Variants in NHSL1 observed in about 807,000 individuals in gnomAD.
The protein encoded by NHSL1 is NHS-like protein 1.
A neutral mutation model predicts 95.0 loss-of-function variants in NHSL1; 48 were observed. The observed-to-expected ratio is 0.51, with a 90% confidence interval of 0.40 to 0.64. NHSL1 has a LOEUF of 0.64. NHSL1 is among the 30% of genes least tolerant of loss of function. The pLI is 0.00. For synonymous variants in NHSL1, 783 were observed against 833.9 expected, an observed-to-expected ratio of 0.94 and a Z score of 1.05; for missense variants, 1,971 against 2,077.7, an observed-to-expected ratio of 0.95 and a Z score of 1.00.
chr6:138,663,351 G>A (rs1017536841), intron 1 of NHSL1, among the ~76,000 whole-genome samples: 10 of 151,504 alleles, frequency 6.6e-5, no homozygotes, highest in African/African-American at 1.9e-4. Flanking sequence ...ACCTTAGATC[G>A]GGAGTTCGAG....
chr6:138,532,347 C>G (rs1443246270), intron 1 of NHSL1, among the ~76,000 whole-genome samples: 3 of 152,192 alleles, frequency 2.0e-5, no homozygotes, highest in African/African-American at 7.2e-5. Context: ...GAACTGAAGA[C>G]TTTTTAACCA....
intron 1 of NHSL1, among the ~76,000 whole-genome samples, chr6:138,513,375 C>T (rs1781317760): frequency 6.6e-6 from 1 of 150,486 alleles, no homozygotes; most frequent in African/African-American, 2.4e-5. Context: ...ATGTAAGTAA[C>T]TTTTTTTTTT....
intron 1 of NHSL1, among the ~76,000 whole-genome samples, chr6:138,601,641 G>C (rs183725866): frequency 1.4e-4 from 21 of 152,130 alleles, no homozygotes; most frequent in Admixed American, 9.2e-4. Context: ...GTGAAACCCT[G>C]TCTCTACTAA....
chr6:138,506,608 A>C (rs1337107252), intron 1 of NHSL1, among the ~76,000 whole-genome samples: 3 of 152,332 alleles, frequency 2.0e-5, no homozygotes, highest in Non-Finnish European at 1.5e-5. Context: ...TCTGACATTT[A>C]AATGTAAGTG....
chr6:138,543,871 G>C (rs1324098761), intron 1 of NHSL1, among the ~76,000 whole-genome samples: 1 of 152,198 alleles, frequency 6.6e-6, no homozygotes, highest in African/African-American at 2.4e-5. Context: ...GGAGATCAGA[G>C]AGTAGGCTTT....
intron 1 of NHSL1, among the ~76,000 whole-genome samples, chr6:138,669,929 T>A (rs972032375): frequency 6.6e-6 from 1 of 152,026 alleles, no homozygotes. Flanking sequence ...GAGACCAGCA[T>A]GGCCAATATG....
chr6:138,435,330 A>T (rs1195392961), intron 5 of NHSL1: 1 of 153,580 alleles, frequency 6.5e-6, no homozygotes, highest in African/African-American at 2.4e-5. Flanking sequence ...AAATTGTACT[A>T]GTTTTTGCAT....
At chr6:138,663,369 T>C (rs1583471047) in intron 1 of NHSL1, among the ~76,000 whole-genome samples, 3 of 152,074 alleles carry the variant, frequency 2.0e-5, no homozygotes, top group East Asian at 3.9e-4. Flanking sequence ...GAGACCAGCC[T>C]GATCAACATG....
chr6:138,507,573 A>T (rs1176700231), intron 1 of NHSL1, among the ~76,000 whole-genome samples: 2 of 152,242 alleles, frequency 1.3e-5, no homozygotes, highest in African/African-American at 4.8e-5. Flanking sequence ...CAATTTTTAC[A>T]GTTGCATAAT....
At chr6:138,448,328 A>G (rs932535854) in intron 3 of NHSL1, among the ~76,000 whole-genome samples, 4 of 152,222 alleles carry the variant, frequency 2.6e-5, no homozygotes, top group African/African-American at 9.6e-5. Context: ...TCGTGGGGGA[A>G]ATGACAGCTT....
intron 1 of NHSL1, among the ~76,000 whole-genome samples, chr6:138,661,868 C>T (rs559592378): frequency 2.0e-5 from 3 of 152,074 alleles, no homozygotes; most frequent in African/African-American, 4.8e-5. Context: ...GCCAAGAATT[C>T]GAGACCAGTC....
intron 1 of NHSL1, among the ~76,000 whole-genome samples, chr6:138,658,406 T>C (rs1157641504): frequency 1.3e-5 from 2 of 152,230 alleles, no homozygotes; most frequent in Non-Finnish European, 2.9e-5. Context: ...GAAGTTCAAC[T>C]TTTTAAAAAT....
rs138054110 is a variant in NHSL1 at position 138,429,417 on chromosome 6, ACT to A, written c.4085+292_4085+293del. Among the ~76,000 whole-genome samples, 513 of 152,216 alleles carry A rather than the reference ACT, an allele frequency of 3.4e-3. 3 individuals are homozygous for A. Among genetic ancestry groups the A allele is most frequent in the African/African-American group, 0.012 (489 of 41,510 alleles). ...ACTTTAATCCGACTCTTGCTAATATACTCTGTCTTATGACTGCCACACTGCGC... is the reference window on the plus strand; with the variant it reads ...ACTTTAATCCGACTCTTGCTAATATACTGTCTTATGACTGCCACACTGCGC... On this transcript the variant is annotated intron_variant, in intron 7 of 7. Coordinates refer to ENST00000343505, the MANE Select transcript of NHSL1 (RefSeq NM_001144060.2).
At position 138,422,584 on chromosome 6, in the gene NHSL1, A is replaced by G. The variant is rs567711072; in HGVS notation, c.*1497T>C. The G allele has an allele frequency of 6.6e-6, 1 of 152,346 alleles. No individual in the cohort carries two copies. Among genetic ancestry groups the G allele is most frequent in the South Asian group, 2.1e-4 (1 of 4,830 alleles). The allele number at this position is 152,346 out of a possible 1,614,324, so 9.4% of individuals were successfully genotyped here. ...CTAGGTCCTTCTAATGAAGAAGACA[A>G]TACTCTAGTTTATTTAACAAATAAA... On this transcript the variant is annotated 3_prime_UTR_variant, in exon 8 of 8. Transcript: ENST00000343505.
chr6:138,677,235 C>T (rs1177828524), intron 1 of NHSL1, among the ~76,000 whole-genome samples: 1 of 152,152 alleles, frequency 6.6e-6, no homozygotes, highest in Non-Finnish European at 1.5e-5. Flanking sequence ...TTCCTAGTTA[C>T]ATTTTTTAGG....
chr6:138,674,565 C>A (rs967796884), intron 1 of NHSL1, among the ~76,000 whole-genome samples: 1 of 152,138 alleles, frequency 6.6e-6, no homozygotes, highest in African/African-American at 2.4e-5. Context: ...TGAGAACATA[C>A]AGCGTTTGGT....
exon 1 of NHSL1, chr6:138,571,852 T>C: frequency 1.3e-6 from 2 of 1,551,716 alleles, no homozygotes; most frequent in Non-Finnish European, 1.7e-6. Context: ...TTACAGCACG[T>C]GAGAGAGAAC....
At chr6:138,519,843 C>A (rs1781602097) in intron 1 of NHSL1, among the ~76,000 whole-genome samples, 2 of 152,306 alleles carry the variant, frequency 1.3e-5, no homozygotes, top group Admixed American at 1.3e-4. Context: ...ATTTATATTA[C>A]TGAAATACTC....
At chr6:138,639,777 G>C (rs1402759963) in intron 1 of NHSL1, among the ~76,000 whole-genome samples, 1 of 113,882 alleles carries the variant, frequency 8.8e-6, no homozygotes, top group Non-Finnish European at 1.6e-5. Flanking sequence ...CTAGCCAGGG[G>C]ACAGAGTGAG....
Sources: allele counts gnomAD v4.1 joint callset (sites outside exome capture counted in the v4.1 genomes callset), GRCh38; gene constraint gnomAD v4.1.1; transcripts MANE v1.5; gene names NCBI Gene and HGNC (gene_info 2026-07-23, HGNC 2026-07-21).